EIF4G3: variants seen among roughly 807,000 people sequenced by gnomAD.
EIF4G3 encodes eIF-4-gamma 3.
In EIF4G3, 34 loss-of-function variants were observed where a neutral mutation model predicts 186.4. That is an observed-to-expected ratio of 0.18 (90% confidence interval 0.14 to 0.24). The LOEUF is 0.24. Among genes scored for constraint, EIF4G3 ranks in the 10% least tolerant of loss-of-function variants. The pLI, the probability that EIF4G3 is intolerant of heterozygous loss-of-function variation, is 1.00. For synonymous variants in EIF4G3, 673 were observed against 679.5 expected (o/e 0.99, Z 0.15); for missense variants, 1,536 against 1,948.5 (o/e 0.79, Z 3.99).
At chr1:20,905,091 C>T (rs1434326957) in intron 14 of EIF4G3, 120 bp from the exon 15 acceptor site, 1 of 630,984 alleles carries the variant, frequency 1.6e-6, no homozygotes, top group Non-Finnish European at 2.6e-6. Context: ...CTATACCAAA[C>T]AAATAGTTGG....
At chr1:20,856,475 T>A (rs2074936784) in intron 25 of EIF4G3, among the ~76,000 whole-genome samples, 1 of 152,224 alleles carries the variant, frequency 6.6e-6, no homozygotes, top group South Asian at 2.1e-4. Flanking sequence ...TCTTATCATA[T>A]TTAATTCTGC....
At chr1:20,981,641 CTGTATGTATACATACATGTATACGCACAT>C (rs1387100549) in intron 8 of EIF4G3, among the ~76,000 whole-genome samples, 1 of 121,548 alleles carries the variant, frequency 8.2e-6, no homozygotes, top group East Asian at 2.5e-4. Flanking sequence ...TACGCACATA[CTGTATGTATACATACATGTATACGCACAT>C]ACTGTATGTA....
chr1:20,999,484 G>C (rs2083021660), intron 6 of EIF4G3: 1 of 320,076 alleles, frequency 3.1e-6, no homozygotes, highest in African/African-American at 2.2e-5. Flanking sequence ...ACCTGAGTAT[G>C]GCAGTACCTG....
chr1:21,023,049 T>G (rs1171934513), intron 4 of EIF4G3, among the ~76,000 whole-genome samples: 4 of 152,224 alleles, frequency 2.6e-5, no homozygotes, highest in Admixed American at 2.6e-4. Flanking sequence ...ACTCTCAAAC[T>G]ATACTTGACT....
chr1:21,004,764 C>T (rs1332516795), intron 4 of EIF4G3, among the ~76,000 whole-genome samples: 5 of 151,834 alleles, frequency 3.3e-5, no homozygotes, highest in East Asian at 1.9e-4. Context: ...ATTCATCATA[C>T]GTTCCAAATA....
At chr1:21,049,903 A>G (rs2094115796) in intron 4 of EIF4G3, among the ~76,000 whole-genome samples, 1 of 152,112 alleles carries the variant, frequency 6.6e-6, no homozygotes, top group Non-Finnish European at 1.5e-5. Context: ...AAAAAATAAT[A>G]AGGAATAAAA....
At chr1:20,870,347 T>A (rs1340180052) in intron 20 of EIF4G3, among the ~76,000 whole-genome samples, 1 of 152,186 alleles carries the variant, frequency 6.6e-6, no homozygotes, top group Non-Finnish European at 1.5e-5. Context: ...TGCTTAAAAA[T>A]CTGCCTTTAG....
chr1:21,139,423 C>G lies in EIF4G3; in HGVS notation c.-272+36752G>C, dbSNP rs540804063. On this transcript the variant is annotated intron_variant, in intron 2 of 36. Transcript: ENST00000602326. ...TAAGCTACAATCTCACCACTGCACT[C>G]CAGCCTGGGTGACAGAGTGAGACCC... is the stretch of plus-strand genomic sequence containing the variant. 5.3e-5 allele frequency among the ~76,000 whole-genome samples: 8 copies of G among 152,074 alleles called. No homozygotes were observed. The South Asian group carries it at 1.7e-3, about 32-fold the overall frequency.
chr1:21,092,767 A>G (rs2096246871), intron 2 of EIF4G3, among the ~76,000 whole-genome samples: 1 of 152,200 alleles, frequency 6.6e-6, no homozygotes, highest in African/African-American at 2.4e-5. Flanking sequence ...GACCAACAGA[A>G]CAGAACAGAG....
At chr1:21,023,647 G>A (rs1485896999) in intron 4 of EIF4G3, among the ~76,000 whole-genome samples, 1 of 152,108 alleles carries the variant, frequency 6.6e-6, no homozygotes, top group Admixed American at 6.5e-5. Flanking sequence ...GCCTCCCAAA[G>A]TGCCGAGATT....
chr1:20,886,064 T>C (rs2084033625), intron 19 of EIF4G3, 137 bp downstream of exon 19: 1 of 1,136,540 alleles, frequency 8.8e-7, no homozygotes, highest in African/African-American at 1.6e-5. Context: ...TAATGGCTTT[T>C]AGAATAATTC....
At chr1:20,828,497 A>G (rs577128151) in intron 31 of EIF4G3, among the ~76,000 whole-genome samples, 1 of 152,314 alleles carries the variant, frequency 6.6e-6, no homozygotes, top group Admixed American at 6.5e-5. Context: ...AAAGCTAACT[A>G]GTTTTTATTT....
chr1:21,089,271 A>C, intron 2 of EIF4G3, 58 bp from the exon 3 acceptor site: 1 of 706,086 alleles, frequency 1.4e-6, no homozygotes, highest in Non-Finnish European at 2.6e-6. Flanking sequence ...TAGTTAGAGA[A>C]AATTGCAACC....
At position 20,970,025 on chromosome 1, in the gene EIF4G3, G is replaced by A. The variant is rs564099678; in HGVS notation, c.592-429C>T. Among the ~76,000 whole-genome samples the A allele has an allele frequency of 1.5e-4, 23 of 151,860 alleles. No individual in the cohort carries two copies. The South Asian group carries it at 4.4e-3, about 29-fold the overall frequency. On this transcript the variant is annotated intron_variant, in intron 11 of 36. Transcript: ENST00000602326. ...ATCACCCAGGCTGGAGTGCAGTGGC[G>A]CAATCTCGGCTCACTGCAATCTCCG...
At chr1:20,852,905 T>C (rs1040064007) in intron 27 of EIF4G3, among the ~76,000 whole-genome samples, 2 of 151,962 alleles carry the variant, frequency 1.3e-5, no homozygotes, top group African/African-American at 2.4e-5. Context: ...AAAAGCCTGA[T>C]GGGAGCATCG....
chr1:20,902,923 G>T (rs901448387), intron 15 of EIF4G3, among the ~76,000 whole-genome samples: 7 of 152,216 alleles, frequency 4.6e-5, no homozygotes, highest in Admixed American at 4.6e-4. Flanking sequence ...TTATAGGCAT[G>T]AGCCACTGCG....
At chr1:20,818,238 G>C (rs189492420) in intron 33 of EIF4G3, among the ~76,000 whole-genome samples, 153 of 152,250 alleles carry the variant, frequency 1.0e-3, no homozygotes, top group African/African-American at 2.6e-3. Context: ...GTACTCAGCA[G>C]CTATCAAAAC....
In EIF4G3 at chr1:21,089,215, T is replaced by G. The variant is rs2096093314; in HGVS notation, c.-271-2A>C. Reference sequence around the variant, plus strand: ...TGTTGCACAGGTCCTCTAGGAATTCTAGAAGAGCGAGTTAAGGATAAGAGA... The same window carrying G: ...TGTTGCACAGGTCCTCTAGGAATTCGAGAAGAGCGAGTTAAGGATAAGAGA... On this transcript the variant is annotated splice_acceptor_variant, in intron 2 of 36. Coordinates refer to ENST00000602326, the MANE Select transcript of EIF4G3 (RefSeq NM_001391906.1). LOFTEE classifies it low-confidence loss of function (5UTR_SPLICE). 1.4e-6 allele frequency: 1 copy of G among 717,220 alleles called. No individual in the cohort carries two copies. Among genetic ancestry groups the G allele is most frequent in the Non-Finnish European group, 2.6e-6 (1 of 384,996 alleles). 44.4% of individuals were successfully genotyped at this position (717,220 alleles called of 1,614,324 possible).
At position 21,084,699 on chromosome 1, in the gene EIF4G3, GT is replaced by G. The variant is rs372395820; in HGVS notation, c.-196+4438del. Among the ~76,000 whole-genome samples, 96 of 148,862 alleles carry G rather than the reference GT, an allele frequency of 6.4e-4. No homozygotes were observed. The East Asian group carries it at 8.0e-3, about 12-fold the overall frequency. On this transcript the variant is annotated intron_variant, in intron 3 of 36. Transcript: ENST00000602326. ...CACTGATGTTCCTTCTACCACAAATGTTTTTTTTTTCCTAGAAATCTTCAGT... is the reference window on the plus strand; with the variant it reads ...CACTGATGTTCCTTCTACCACAAATGTTTTTTTTTCCTAGAAATCTTCAGT...
Sources: gnomAD v4.1 joint callset for allele counts (sites outside exome capture counted in the v4.1 genomes callset) on GRCh38, gnomAD v4.1.1 for gene constraint, MANE v1.5 for transcripts, NCBI Gene and HGNC (gene_info 2026-07-23, HGNC 2026-07-21) for gene names.